The following NOX4 variants were observed in gnomAD, a reference collection of about 807,000 sequenced individuals.
The protein encoded by NOX4 is kidney oxidase-1.
Under a neutral mutation model 87.6 loss-of-function variants are expected in NOX4, and 69 were observed. The observed-to-expected ratio is 0.79, with a 90% confidence interval of 0.65 to 0.96. The LOEUF (loss-of-function observed/expected upper bound fraction) is 0.96. NOX4 is among the 40% of genes least tolerant of loss of function. NOX4 has a pLI of 0.00. For synonymous variants in NOX4, 275 were observed against 238.2 expected (o/e 1.15, Z -1.42); for missense variants, 680 against 681.5 (o/e 1.00, Z 0.02).
the NOX4 span, among the ~76,000 whole-genome samples, chr11:89,565,182 G>A: frequency 1.3e-5 from 2 of 152,004 alleles, no homozygotes; most frequent in Non-Finnish European, 1.5e-5. Context: ...CTATGAACAT[G>A]TATAAAAGAT....
chr11:89,333,905 C>T lies in NOX4; in HGVS notation c.1616+1940G>A, dbSNP rs112468951. On this transcript the variant is annotated intron_variant, in intron 17 of 17. Transcript: ENST00000263317. ...CAAAATGTCAACAGCAGATGGTGCA[C>T]ATTTGCTCTTCTTAAACCAGTTTTC... is the stretch of plus-strand genomic sequence containing the variant. Among the ~76,000 whole-genome samples, 612 of 151,852 alleles carry T rather than the reference C, an allele frequency of 4.0e-3. 5 individuals carry two copies. The highest frequency in any genetic ancestry group is 0.014 in the African/African-American group (587 of 41,502).
intron 13 of NOX4, among the ~76,000 whole-genome samples, chr11:89,350,068 A>G (rs546052445): frequency 6.6e-6 from 1 of 152,186 alleles, no homozygotes; most frequent in African/African-American, 2.4e-5. Flanking sequence ...CTTTCCACTC[A>G]TCTGTCTCTT....
the NOX4 span, among the ~76,000 whole-genome samples, chr11:89,510,942 C>T: frequency 6.6e-6 from 1 of 151,898 alleles, no homozygotes; most frequent in Non-Finnish European, 1.5e-5. Context: ...GTATTTTCTC[C>T]TAATTTTAAC....
Position 89,376,035 on chromosome 11 carries a change from C to T in NOX4, c.1075-2543G>A, listed in dbSNP as rs115367984. On this transcript the variant is annotated intron_variant, in intron 11 of 17. Coordinates refer to ENST00000263317, the MANE Select transcript of NOX4 (RefSeq NM_016931.5). Reference sequence around the variant, plus strand: ...AAGCAGATACTGTAAAAGGTAATTACACACAATGTTTAATATCTCACTGGG... The same window carrying T: ...AAGCAGATACTGTAAAAGGTAATTATACACAATGTTTAATATCTCACTGGG... Among the ~76,000 whole-genome samples the T allele has an allele frequency of 6.4e-3, 973 of 152,358 alleles. 13 individuals carry two copies. Among genetic ancestry groups the T allele is most frequent in the African/African-American group, 0.022 (923 of 41,592 alleles).
In NOX4 at chr11:89,467,939, G is replaced by T. The variant is rs573699703; in HGVS notation, c.154-16044C>A. Among the ~76,000 whole-genome samples, 48 of 152,300 alleles carry T rather than the reference G, an allele frequency of 3.2e-4. No homozygotes were observed. In the South Asian group the frequency reaches 3.7e-3, roughly 12 times the overall value. On this transcript the variant is annotated intron_variant, in intron 2 of 17. Coordinates refer to ENST00000263317, the MANE Select transcript of NOX4 (RefSeq NM_016931.5). The stretch of plus-strand genomic sequence containing the variant: ...TCAGTAAAATTTTGTTAGTGACAAG[G>T]ACTACATTTCAAGTTAATTATGTGT...
intron 4 of NOX4, among the ~76,000 whole-genome samples, chr11:89,448,079 G>C (rs930546140): frequency 2.4e-4 from 36 of 152,208 alleles, no homozygotes; most frequent in African/African-American, 7.7e-4. Context: ...AAAATACCAG[G>C]TGCTATGCCA....
At chr11:89,467,641 C>G (rs1483308908) in intron 2 of NOX4, among the ~76,000 whole-genome samples, 1 of 152,142 alleles carries the variant, frequency 6.6e-6, no homozygotes, top group Non-Finnish European at 1.5e-5. Context: ...GGCACTAATG[C>G]CAGTCATGAG....
intron 12 of NOX4, among the ~76,000 whole-genome samples, chr11:89,369,162 A>C (rs767421915): frequency 6.6e-6 from 1 of 152,076 alleles, no homozygotes; most frequent in African/African-American, 2.4e-5. Context: ...CAGAAACATG[A>C]CTGCATAAGT....
intron 6 of NOX4, among the ~76,000 whole-genome samples, chr11:89,434,969 G>A (rs946067722): frequency 6.6e-6 from 1 of 151,728 alleles, no homozygotes; most frequent in African/African-American, 2.4e-5. Context: ...AGGGGTAGAG[G>A]GCAAGATGCG....
At chr11:89,411,498 T>C (rs1202534580) in intron 8 of NOX4, among the ~76,000 whole-genome samples, 3 of 151,952 alleles carry the variant, frequency 2.0e-5, no homozygotes, top group Non-Finnish European at 2.9e-5. Context: ...TGCATTATCC[T>C]GAAGTAAAAG....
At chr11:89,515,188 A>C in the NOX4 span, among the ~76,000 whole-genome samples, 2 of 152,038 alleles carry the variant, frequency 1.3e-5, no homozygotes, top group Admixed American at 1.3e-4. Context: ...GACACTGATA[A>C]ATTCTATTTC....
chr11:89,545,369 A>T, the NOX4 span: 2 of 152,164 alleles, frequency 1.3e-5, no homozygotes, highest in South Asian at 4.1e-4. Context: ...TTTAATTTAG[A>T]AACCTTTTTC....
upstream of NOX4, among the ~76,000 whole-genome samples, chr11:89,498,508 C>T (rs1199304565): frequency 6.6e-6 from 1 of 152,144 alleles, no homozygotes; most frequent in Non-Finnish European, 1.5e-5. Flanking sequence ...TGCTTCACAT[C>T]CCGTTTATAT....
At position 89,340,045 on chromosome 11, in the gene NOX4, A is replaced by G. The variant is rs1164274781; in HGVS notation, c.1446+18T>C. 1 of 1,395,368 alleles carries G rather than the reference A, an allele frequency of 7.2e-7. No homozygotes were observed. Among genetic ancestry groups the G allele is most frequent in the Non-Finnish European group, 9.6e-7 (1 of 1,038,268 alleles). The allele number at this position is 1,395,368 out of a possible 1,614,324, so 86.4% of individuals were successfully genotyped here. ...TTAATTTGAAAAATTGCAAAACTAG[A>G]ACCAACCCTAATGTTACCTTGTTAT... is the stretch of plus-strand genomic sequence containing the variant. On this transcript the variant is annotated intron_variant, in intron 15 of 17. Transcript: ENST00000263317.
At chr11:89,538,074 G>T in the NOX4 span, among the ~76,000 whole-genome samples, 1 of 152,030 alleles carries the variant, frequency 6.6e-6, no homozygotes, top group East Asian at 1.9e-4. Context: ...CTGGTGTCTT[G>T]TTTTGTTTTA....
At chr11:89,356,777 A>C (rs1261146118) in intron 12 of NOX4, among the ~76,000 whole-genome samples, 3 of 152,136 alleles carry the variant, frequency 2.0e-5, no homozygotes, top group African/African-American at 7.2e-5. Context: ...ACATTATCTG[A>C]TACATAATTA....
intron 8 of NOX4, among the ~76,000 whole-genome samples, chr11:89,404,017 A>G (rs956694830): frequency 6.6e-6 from 1 of 152,018 alleles, no homozygotes; most frequent in Admixed American, 6.6e-5. Flanking sequence ...CATGCATTAC[A>G]TGACATCATA....
chr11:89,499,566 T>C (rs1406866621), upstream of NOX4, among the ~76,000 whole-genome samples: 2 of 152,178 alleles, frequency 1.3e-5, no homozygotes, highest in African/African-American at 4.8e-5. Context: ...ATATTTAGCC[T>C]TCAGCCAAAC....
intron 7 of NOX4, among the ~76,000 whole-genome samples, chr11:89,429,706 A>T (rs1943668371): frequency 6.6e-6 from 1 of 152,072 alleles, no homozygotes. Flanking sequence ...TCTGAAATTG[A>T]GGCAATAATT....
Sources: gnomAD v4.1 joint callset for allele counts (sites outside exome capture counted in the v4.1 genomes callset) on GRCh38, gnomAD v4.1.1 for gene constraint, MANE v1.5 for transcripts, NCBI Gene and HGNC (gene_info 2026-07-23, HGNC 2026-07-21) for gene names.